TXNRD2: variants seen among roughly 807,000 people sequenced by gnomAD.
The protein encoded by TXNRD2 is thioredoxin reductase 2, mitochondrial.
In TXNRD2, 67 loss-of-function variants were observed where a neutral mutation model predicts 70.8. The observed-to-expected ratio is 0.95, with a 90% CI of 0.78 to 1.16. The LOEUF is 1.16. Ranked by LOEUF, TXNRD2 falls within the 50% of genes most tolerant of loss-of-function variation. The probability of loss-of-function intolerance (pLI) is 0.00; values close to 1 mark genes in which losing one functional copy is unlikely to be tolerated. For synonymous variants in TXNRD2, 301 were observed against 295.8 expected, an observed-to-expected ratio of 1.02 and a Z score of -0.18; for missense variants, 644 against 719.9, an observed-to-expected ratio of 0.89 and a Z score of 1.21.
chr22:19,905,105 C>T (rs1461093444), intron 8 of TXNRD2, among the ~76,000 whole-genome samples: 1 of 152,120 alleles, frequency 6.6e-6, no homozygotes, highest in East Asian at 1.9e-4. Flanking sequence ...TAAACACTGA[C>T]TCCCATATTA....
In TXNRD2 at chr22:19,895,435, G is replaced by A; in HGVS notation, c.921C>T (p.Gly307=). ...EDSTTGKEDT[G]TFDTVLWAIG... is the part of the protein sequence containing the mutation. ...TGGCCCACAGGACGGTGTCAAAGGTGCCCGTGTCCTCCTTGCCGGTGGTGC... is the reference window on the plus strand; with the variant it reads ...TGGCCCACAGGACGGTGTCAAAGGTACCCGTGTCCTCCTTGCCGGTGGTGC... Residue 307 remains glycine (G), a synonymous_variant, in exon 11 of 18, where the codon GGC becomes GGT. Coordinates refer to ENST00000400521, the MANE Select transcript of TXNRD2 (RefSeq NM_006440.5). 1 of 1,613,962 alleles carries A rather than the reference G, an allele frequency of 6.2e-7. No individual in the cohort carries two copies. The highest frequency in any genetic ancestry group is 1.7e-4 in the Middle Eastern group (1 of 6,058).
rs754166247 is a variant in TXNRD2, at chr22:19,878,446, A to G, written c.1276-9T>C. Reference sequence around the variant, plus strand: ...TAATGGGCGTGATAGACCTGAGGACAGGATACCAACCCTGGATCAGTGCTG... The same window carrying G: ...TAATGGGCGTGATAGACCTGAGGACGGGATACCAACCCTGGATCAGTGCTG... On this transcript the variant is annotated splice_polypyrimidine_tract_variant and intron_variant, in intron 14 of 17. Coordinates refer to ENST00000400521, the MANE Select transcript of TXNRD2 (RefSeq NM_006440.5). 5 of 1,613,266 alleles carry G rather than the reference A, an allele frequency of 3.1e-6. No homozygotes were observed. The highest frequency in any genetic ancestry group is 4.2e-6 in the Non-Finnish European group (5 of 1,179,772).
In TXNRD2 at chr22:19,906,028, T is replaced by A. The variant is rs139715388; in HGVS notation, c.662+5349A>T. ...TTACATTAAAAAAAACTTAAACCAT[T>A]TGTACATCACACAAGTTAAAAGACA... On this transcript the variant is annotated intron_variant, in intron 8 of 17. Transcript: ENST00000400521. 1.6e-4 allele frequency among the ~76,000 whole-genome samples: 25 copies of A among 151,856 alleles called. 1 individual carries two copies. In the East Asian group the frequency reaches 4.6e-3, roughly 28 times the overall value.
At chr22:19,922,225 G>T (rs918161949) in intron 2 of TXNRD2, among the ~76,000 whole-genome samples, 1 of 152,166 alleles carries the variant, frequency 6.6e-6, no homozygotes, top group Admixed American at 6.6e-5. Context: ...TAGCAGAAAA[G>T]ATCAATAAAA....
At chr22:19,887,711 C>T (rs1939092925) in intron 11 of TXNRD2, 1 of 152,330 alleles carries the variant, frequency 6.6e-6, no homozygotes, top group Admixed American at 6.5e-5. Context: ...TGAAGCTGCC[C>T]TCCAAGAGGA....
At chr22:19,895,323 G>C (rs1939452146) in intron 11 of TXNRD2, 84 bp downstream of exon 11, 3 of 1,602,756 alleles carry the variant, frequency 1.9e-6, no homozygotes, top group African/African-American at 2.7e-5. Flanking sequence ...GGGGAGCCCT[G>C]GGAGGTGACA....
intron 3 of TXNRD2, 90 bp from the exon 4 acceptor site, chr22:19,919,094 G>A: frequency 7.1e-7 from 1 of 1,403,134 alleles, no homozygotes; most frequent in Non-Finnish European, 9.8e-7. Context: ...ATTCCTTAAA[G>A]TTGCTTTGTA....
intron 11 of TXNRD2, chr22:19,895,032 A>T (rs1939435224): frequency 1.9e-6 from 3 of 1,554,672 alleles, no homozygotes; most frequent in Non-Finnish European, 2.6e-6. Flanking sequence ...GACAAGTAGG[A>T]TTTATGTGCT....
In TXNRD2 at chr22:19,911,434, A is replaced by G; in HGVS notation, c.605T>C (p.Leu202Ser). 2 of 1,613,920 alleles carry G rather than the reference A, an allele frequency of 1.2e-6. No individual in the cohort carries two copies. The highest frequency in any genetic ancestry group is 1.7e-6 in the Non-Finnish European group (2 of 1,179,890). The change falls in exon 8 of 18, where the codon TTG (leucine) becomes TCG (serine). Residue 202 changes from leucine to serine, a missense_variant. Physicochemically the swap from Leu to Ser is moderately radical, Grantham distance 145. This residue lies in a region of TXNRD2 where 566 missense variants were observed against 645.0 expected (regional missense o/e 0.88). Transcript: ENST00000400521. ...PRYPTHIEGA[L>S]EYGITSDDIF... is the part of the protein sequence containing the mutation. ...GTCATCACTTGTGATTCCATATTCCAAGGCACCTTCGATCTGTCAAGACAG... is the reference window on the plus strand; with the variant it reads ...GTCATCACTTGTGATTCCATATTCCGAGGCACCTTCGATCTGTCAAGACAG...
chr22:19,881,043 G>A, intron 12 of TXNRD2: 1 of 492,054 alleles, frequency 2.0e-6, no homozygotes, highest in East Asian at 3.0e-5. Context: ...GACCTCGGAG[G>A]GCTGCCCCAT....
chr22:19,928,950 G>A (rs1419910579), intron 2 of TXNRD2, among the ~76,000 whole-genome samples: 2 of 150,886 alleles, frequency 1.3e-5, no homozygotes, highest in African/African-American at 4.9e-5. Context: ...AGGTTGCAGT[G>A]AGCCAAGATC....
At chr22:19,919,715 G>T in intron 2 of TXNRD2, 116 bp from the exon 3 acceptor site, 1 of 863,242 alleles carries the variant, frequency 1.2e-6, no homozygotes, top group Non-Finnish European at 1.7e-6. Flanking sequence ...TGGGCCTGCG[G>T]CTGCCCACAC....
intron 11 of TXNRD2, among the ~76,000 whole-genome samples, chr22:19,885,733 C>T (rs1295709056): frequency 1.3e-5 from 2 of 152,178 alleles, no homozygotes; most frequent in Non-Finnish European, 2.9e-5. Flanking sequence ...GAACATCTGA[C>T]GCTGCACCCA....
intron 11 of TXNRD2, among the ~76,000 whole-genome samples, chr22:19,885,620 C>T (rs1030010830): frequency 2.3e-4 from 35 of 152,324 alleles, no homozygotes. Context: ...GGGCTGTGGT[C>T]CCTGCAGGCC....
chr22:19,907,787 C>T (rs1238463138), intron 8 of TXNRD2, among the ~76,000 whole-genome samples: 15 of 29,908 alleles, frequency 5.0e-4, no homozygotes, highest in Non-Finnish European at 5.4e-4. Flanking sequence ...TAGCAGTGAC[C>T]GCTCTCAGGA....
chr22:19,936,002 G>A lies in TXNRD2; in HGVS notation c.104-4904C>T, dbSNP rs139511379. On this transcript the variant is annotated intron_variant, in intron 1 of 17. Transcript: ENST00000400521. ...AATTCCTGTTAAAATGGGGGAGTTC[G>A]GGTTCCCATGGAAAATATGGTCACC... 6.5e-3 allele frequency among the ~76,000 whole-genome samples: 956 copies of A among 146,884 alleles called. 4 individuals are homozygous for A. The highest frequency in any genetic ancestry group is 0.014 in the Admixed American group (199 of 14,606).
chr22:19,898,144 G>A lies in TXNRD2; in HGVS notation c.683-14C>T, dbSNP rs1939600703. 1.3e-6 allele frequency: 2 copies of A among 1,554,306 alleles called. No individual in the cohort carries two copies. Among genetic ancestry groups the A allele is most frequent in the Middle Eastern group, 1.7e-4 (1 of 5,998 alleles). ...CCAGGGCCACATCTGTGGGGTGCCA[G>A]CTAAGGAGCACTGTAGATCCCAATT... is the stretch of plus-strand genomic sequence containing the variant. On this transcript the variant is annotated splice_polypyrimidine_tract_variant and intron_variant, in intron 9 of 17. Transcript: ENST00000400521.
intron 11 of TXNRD2, among the ~76,000 whole-genome samples, chr22:19,888,217 C>T (rs1939113898): frequency 6.6e-6 from 1 of 152,192 alleles, no homozygotes; most frequent in African/African-American, 2.4e-5. Flanking sequence ...CTAGGAACAG[C>T]CGTGCAGGGC....
intron 9 of TXNRD2, among the ~76,000 whole-genome samples, chr22:19,898,337 G>A (rs546279649): frequency 1.3e-5 from 2 of 152,272 alleles, no homozygotes; most frequent in East Asian, 1.9e-4. Context: ...GGACTAGGCC[G>A]GCCTCTGGCC....
Sources: gnomAD v4.1 joint callset for allele counts (sites outside exome capture counted in the v4.1 genomes callset) on GRCh38, gnomAD v4.1.1 for gene constraint, gnomAD v4.1.1 regional missense constraint, MANE v1.5 for transcripts, NCBI Gene and HGNC (gene_info 2026-07-23, HGNC 2026-07-21) for gene names.